Variants in CDH11 observed in about 807,000 individuals in gnomAD.
CDH11 encodes the protein cadherin-11.
Under a neutral mutation model 67.8 loss-of-function variants are expected in CDH11, and 11 were observed. The observed-to-expected ratio is 0.16, with a 90% confidence interval of 0.10 to 0.27. The LOEUF (loss-of-function observed/expected upper bound fraction) is 0.27, where lower values mean the gene tolerates loss of function less well. Among genes scored for constraint, CDH11 ranks in the 10% least tolerant of loss-of-function variants. The pLI, the probability that CDH11 is intolerant of heterozygous loss-of-function variation, is 1.00. For synonymous variants in CDH11, 419 were observed against 400.0 expected (o/e 1.05, Z -0.57); for missense variants, 847 against 1,031.2 (o/e 0.82, Z 2.45).
At chr16:65,093,210 CTTTTTTTTTTTT>C (rs35724614) in intron 1 of CDH11, among the ~76,000 whole-genome samples, 1 of 119,104 alleles carries the variant, frequency 8.4e-6, no homozygotes, top group East Asian at 2.4e-4. Context: ...TGTTGGGTTC[CTTTTTTTTTTTT>C]TTTTTTTTTT....
intron 11 of CDH11, among the ~76,000 whole-genome samples, chr16:64,955,850 C>T (rs1279338349): frequency 1.3e-5 from 2 of 152,164 alleles, no homozygotes; most frequent in African/African-American, 4.8e-5. Flanking sequence ...AACGAAACCC[C>T]TTTACTAGAC....
chr16:64,947,246 T>C lies in CDH11; in HGVS notation c.*357A>G, dbSNP rs1269475284. 1 of 1,106,582 alleles carries C rather than the reference T, an allele frequency of 9.0e-7. No individual in the cohort carries two copies. Among genetic ancestry groups the C allele is most frequent in the African/African-American group, 1.6e-5 (1 of 61,732 alleles). 68.5% of individuals were successfully genotyped at this position (1,106,582 alleles called of 1,614,324 possible). A position where few individuals can be genotyped will look rare whatever the true frequency, so the allele number is the denominator to read the frequency against. On this transcript the variant is annotated 3_prime_UTR_variant, in exon 13 of 13. Coordinates refer to ENST00000268603, the MANE Select transcript of CDH11 (RefSeq NM_001797.4). ...TGTCCTTTCTAATTTTGTGGAAGCTTCTTTGACAACTTAAAAAAGAAGAAA... is the reference window on the plus strand; with the variant it reads ...TGTCCTTTCTAATTTTGTGGAAGCTCCTTTGACAACTTAAAAAAGAAGAAA...
intron 11 of CDH11, among the ~76,000 whole-genome samples, chr16:64,959,668 G>A (rs1372953176): frequency 1.3e-5 from 2 of 152,122 alleles, no homozygotes; most frequent in African/African-American, 2.4e-5. Context: ...GAAAATGGCA[G>A]GGCATTAAAA....
rs2075322339 is a variant in CDH11 at position 65,121,155 on chromosome 16, G to C, written c.-298+725C>G. On this transcript the variant is annotated intron_variant, in intron 1 of 12. Transcript: ENST00000268603. This position sits in a 1 kb window ranked among gnomAD's most constrained non-coding sequence, Gnocchi z 4.1. ...CCAGAGGCGAGCCCGAGTCTGGGCC[G>C]CTCATGGACCTACTCCTGCGCTGGT... Among the ~76,000 whole-genome samples the C allele has an allele frequency of 6.6e-6, 1 of 152,284 alleles. No homozygotes were observed. Among genetic ancestry groups the C allele is most frequent in the Admixed American group, 6.5e-5 (1 of 15,310 alleles).
chr16:65,022,461 C>G (rs1297298152), intron 2 of CDH11, among the ~76,000 whole-genome samples: 3 of 152,174 alleles, frequency 2.0e-5, no homozygotes, highest in Non-Finnish European at 4.4e-5. Context: ...GCAGTGAGTC[C>G]TTCAGTATTC....
chr16:64,950,686 C>A, intron 12 of CDH11, 81 bp downstream of exon 12: 1 of 1,519,806 alleles, frequency 6.6e-7, no homozygotes, highest in Non-Finnish European at 8.9e-7. Flanking sequence ...GGTTACCAGC[C>A]TGTATTTGAG....
chr16:64,984,200 G>A (rs150180587), intron 7 of CDH11, among the ~76,000 whole-genome samples: 1 of 152,290 alleles, frequency 6.6e-6, no homozygotes, highest in East Asian at 1.9e-4. Flanking sequence ...TGGCCCTTTG[G>A]CAGCCCTTCA....
intron 8 of CDH11, 73 bp downstream of exon 8, chr16:64,981,975 C>T (rs926655556): frequency 7.3e-7 from 1 of 1,366,426 alleles, no homozygotes; most frequent in Non-Finnish European, 1.0e-6. Flanking sequence ...AAACGTGGTT[C>T]CTACAGGGCT....
intron 11 of CDH11, among the ~76,000 whole-genome samples, chr16:64,969,750 A>G (rs1055227868): frequency 1.3e-5 from 2 of 150,922 alleles, no homozygotes; most frequent in Non-Finnish European, 1.5e-5. Context: ...TGCAAACACT[A>G]TTTGTGCCAC....
intron 11 of CDH11, among the ~76,000 whole-genome samples, chr16:64,955,614 C>A (rs1318611129): frequency 2.0e-5 from 3 of 151,950 alleles, no homozygotes. Context: ...GTGGGGTGAC[C>A]AGCAACTATA....
intron 8 of CDH11, among the ~76,000 whole-genome samples, chr16:64,977,592 T>C (rs2142443981): frequency 6.6e-6 from 1 of 152,330 alleles, no homozygotes; most frequent in Middle Eastern, 3.4e-3. Context: ...GTAACATATC[T>C]TTCTGCACAA....
At chr16:64,978,271 A>G (rs573844415) in intron 8 of CDH11, among the ~76,000 whole-genome samples, 1 of 152,278 alleles carries the variant, frequency 6.6e-6, no homozygotes, top group Non-Finnish European at 1.5e-5. Flanking sequence ...AATTTGGGCC[A>G]TGTACTCTGT....
chr16:65,078,770 A>G (rs553976894), intron 1 of CDH11, among the ~76,000 whole-genome samples: 311 of 152,186 alleles, frequency 2.0e-3, no homozygotes, highest in African/African-American at 7.0e-3. Context: ...ACCTAGACAG[A>G]CTCCAGATCC....
At chr16:64,951,712 T>C (rs567541916) in intron 11 of CDH11, among the ~76,000 whole-genome samples, 2 of 152,304 alleles carry the variant, frequency 1.3e-5, no homozygotes, top group African/African-American at 4.8e-5. Flanking sequence ...TTTTTGTTTG[T>C]ATATATTTTT....
intron 1 of CDH11, among the ~76,000 whole-genome samples, chr16:65,062,462 T>C (rs1475602538): frequency 6.6e-6 from 1 of 152,150 alleles, no homozygotes; most frequent in Non-Finnish European, 1.5e-5. Context: ...AAAAGTAAAC[T>C]GCATAGTCCA....
chr16:65,018,330 A>C (rs2142569532), intron 2 of CDH11, among the ~76,000 whole-genome samples: 1 of 152,310 alleles, frequency 6.6e-6, no homozygotes, highest in South Asian at 2.1e-4. Flanking sequence ...TCCTTAAAGC[A>C]GTCTGTTTGA....
rs139937587 is a variant in CDH11 at position 65,117,173 on chromosome 16, C to A, written c.-298+4707G>T. On this transcript the variant is annotated intron_variant, in intron 1 of 12. Coordinates refer to ENST00000268603, the MANE Select transcript of CDH11 (RefSeq NM_001797.4). ...CACTGAGTTACTTAATACTCCCTCC[C>A]ATAATCCATTTGCATTGATTCCTTC... Among the ~76,000 whole-genome samples, 617 of 152,322 alleles carry A rather than the reference C, an allele frequency of 4.1e-3. 6 individuals are homozygous for A. The highest frequency in any genetic ancestry group is 0.014 in the African/African-American group (587 of 41,576).
intron 1 of CDH11, among the ~76,000 whole-genome samples, chr16:65,097,307 G>A (rs2074915741): frequency 2.0e-5 from 3 of 152,176 alleles, no homozygotes; most frequent in South Asian, 2.1e-4. Flanking sequence ...TGTTAGCCTC[G>A]ATTTCCTCAA....
intron 2 of CDH11, among the ~76,000 whole-genome samples, chr16:65,034,635 G>A (rs2073715652): frequency 6.6e-6 from 1 of 152,186 alleles, no homozygotes; most frequent in African/African-American, 2.4e-5. Flanking sequence ...TTGTTGAAGT[G>A]CCGAACACTA....
Sources: gnomAD v4.1 joint callset for allele counts (sites outside exome capture counted in the v4.1 genomes callset) on GRCh38, gnomAD v4.1.1 for gene constraint, Gnocchi (gnomAD v3.1) non-coding constraint, MANE v1.5 for transcripts, NCBI Gene and HGNC (gene_info 2026-07-23, HGNC 2026-07-21) for gene names.